The following HMCN2 variants were observed in gnomAD, a reference collection of about 807,000 sequenced individuals.
HMCN2 encodes the protein hemicentin 2.
HMCN2 carries 325 observed loss-of-function variants against 377.5 expected under a neutral mutation model. The observed-to-expected ratio is 0.86, with a 90% CI of 0.79 to 0.94. The LOEUF is 0.94. Among genes scored for constraint, HMCN2 ranks in the 40% least tolerant of loss-of-function variants. HMCN2 has a pLI of 0.00. For synonymous variants in HMCN2, 2,007 were observed against 2,046.8 expected, an observed-to-expected ratio of 0.98 and a Z score of 0.53; for missense variants, 4,543 against 4,725.3, an observed-to-expected ratio of 0.96 and a Z score of 1.13.
At chr9:130,305,118 C>G in intron 11 of HMCN2, 116 bp downstream of exon 11, 4 of 378,722 alleles carry the variant, frequency 1.1e-5, no homozygotes, top group South Asian at 3.9e-5. Flanking sequence ...GCAATAGCAG[C>G]CTTTTCAGTG....
In HMCN2 at chr9:130,394,992, G is replaced by T; in HGVS notation, c.10693-35G>T. The T allele has an allele frequency of 8.1e-7, 1 of 1,242,216 alleles. No homozygotes were observed. Among genetic ancestry groups the T allele is most frequent in the Non-Finnish European group, 1.0e-6 (1 of 952,640 alleles). 76.9% of individuals were successfully genotyped at this position (1,242,216 alleles called of 1,614,324 possible). A position where few individuals can be genotyped will look rare whatever the true frequency, so the allele number is the denominator to read the frequency against. On this transcript the variant is annotated intron_variant, in intron 69 of 97. Transcript: ENST00000683500. This position sits in a 1 kb window ranked among gnomAD's most constrained non-coding sequence, Gnocchi z 5.1. ...CAGATTGGGAGGCGGGCAGAGAGGG[G>T]CCAGGGGCAGCTGCTCAACCCGCTC... is the stretch of plus-strand genomic sequence containing the variant.
intron 84 of HMCN2, among the ~76,000 whole-genome samples, chr9:130,410,294 A>T (rs1843341409): frequency 6.6e-6 from 1 of 152,234 alleles, no homozygotes; most frequent in Non-Finnish European, 1.5e-5. Context: ...GTGGATCTAC[A>T]CCATGCTTTT....
intron 11 of HMCN2, among the ~76,000 whole-genome samples, chr9:130,305,645 G>T (rs1029181576): frequency 1.3e-5 from 2 of 152,214 alleles, no homozygotes; most frequent in Non-Finnish European, 2.9e-5. Context: ...GTGTGGGAGG[G>T]CTGTGGTTGC....
chr9:130,318,965 A>G (rs908855765), intron 15 of HMCN2, among the ~76,000 whole-genome samples: 16,662 of 152,234 alleles, frequency 0.11, 1,387 homozygotes, highest in East Asian at 0.48. Flanking sequence ...GAGTCCCGCC[A>G]GGCCCCCCAG....
chr9:130,348,669 G>A lies in HMCN2; in HGVS notation c.4149G>A (p.Ala1383=), dbSNP rs200403870. The A allele has an allele frequency of 1.9e-3, 2,329 of 1,225,108 alleles. 8 individuals are homozygous for A. Among genetic ancestry groups the A allele is most frequent in the Non-Finnish European group, 2.3e-3 (2,105 of 918,800 alleles). 75.9% of individuals were successfully genotyped at this position (1,225,108 alleles called of 1,614,324 possible). A position where few individuals can be genotyped will look rare whatever the true frequency, so the allele number is the denominator to read the frequency against. ...CTGAGATCGTGTGGCTGAAGGACGCGCAGCTGGTGGGTGTCCCCCTAGGGT... is the reference window on the plus strand; with the variant it reads ...CTGAGATCGTGTGGCTGAAGGACGCACAGCTGGTGGGTGTCCCCCTAGGGT... ...PVPEIVWLKD[A]QLIPKVGGHR... is the part of the protein sequence containing the mutation. Residue 1383 remains alanine, a synonymous_variant, in exon 27 of 98, where the codon GCG becomes GCA. Transcript: ENST00000683500.
chr9:130,327,076 AGGT>A (rs1838174284), intron 21 of HMCN2, among the ~76,000 whole-genome samples: 3 of 142,544 alleles, frequency 2.1e-5, no homozygotes, highest in African/African-American at 7.6e-5. Context: ...CCTCAGAGCA[AGGT>A]GGTGGTGGGG....
In HMCN2 at chr9:130,414,433, A is replaced by G. The variant is rs772043415; in HGVS notation, c.12961+3781A>G. Among the ~76,000 whole-genome samples, 19 of 152,138 alleles carry G rather than the reference A, an allele frequency of 1.2e-4. No individual in the cohort carries two copies. The highest frequency in any genetic ancestry group is 2.5e-4 in the Non-Finnish European group (17 of 68,016). Reference sequence around the variant, plus strand: ...GGCACCACTTTTTCTTGGCAGTTTTATAGCTCTGCCAAAAACGGAAGATTT... The same window carrying G: ...GGCACCACTTTTTCTTGGCAGTTTTGTAGCTCTGCCAAAAACGGAAGATTT... On this transcript the variant is annotated intron_variant, in intron 85 of 97. Coordinates refer to ENST00000683500, the MANE Select transcript of HMCN2 (RefSeq NM_001291815.2). This position sits in a 1 kb window ranked among gnomAD's most constrained non-coding sequence, Gnocchi z 4.4.
At chr9:130,410,874 T>C (rs1056534998) in intron 85 of HMCN2, among the ~76,000 whole-genome samples, 18 of 152,110 alleles carry the variant, frequency 1.2e-4, no homozygotes, top group African/African-American at 4.3e-4. Flanking sequence ...CTGGGGGAGC[T>C]GGGCATTTAA....
intron 1 of HMCN2, among the ~76,000 whole-genome samples, chr9:130,267,868 A>T (rs561259818): frequency 1.3e-5 from 2 of 152,338 alleles, no homozygotes; most frequent in Admixed American, 1.3e-4. Context: ...CTGGCACTTA[A>T]GCTGGAACAC....
At chr9:130,426,057 C>T (rs187543454) in intron 90 of HMCN2, 133 bp downstream of exon 90, 54 of 714,634 alleles carry the variant, frequency 7.6e-5, no homozygotes, top group African/African-American at 5.3e-4. Flanking sequence ...CAGACTGAGA[C>T]GGCCCGGCTG....
intron 8 of HMCN2, among the ~76,000 whole-genome samples, chr9:130,300,012 T>TACCCATTCATGCATCCATCCACTC (rs1836412879): frequency 7.3e-6 from 1 of 137,466 alleles, no homozygotes; most frequent in South Asian, 2.4e-4. Context: ...TCCATCCACT[T>TACCCATTCATGCATCCATCCACTC]ACCCATTCAT....
chr9:130,332,479 T>C (rs1374198399), intron 22 of HMCN2, among the ~76,000 whole-genome samples: 1 of 152,162 alleles, frequency 6.6e-6, no homozygotes, highest in Non-Finnish European at 1.5e-5. Flanking sequence ...AGAGCGTGTT[T>C]GGCGGCACAG....
intron 61 of HMCN2, 64 bp downstream of exon 61, chr9:130,386,588 A>G: frequency 9.1e-7 from 1 of 1,103,848 alleles, no homozygotes; most frequent in Admixed American, 2.5e-5. Context: ...AGGGCTGCCA[A>G]GGAGGACAAA....
chr9:130,342,291 T>G (rs1588271453), intron 24 of HMCN2, 59 bp from the exon 25 acceptor site: 2 of 152,070 alleles, frequency 1.3e-5, no homozygotes, highest in African/African-American at 4.8e-5. Context: ...GAGGCAGGGG[T>G]TGAGGGGTGC....
chr9:130,389,068 G>A (rs1842164310), intron 62 of HMCN2, among the ~76,000 whole-genome samples: 1 of 152,200 alleles, frequency 6.6e-6, no homozygotes, highest in Admixed American at 6.5e-5. Context: ...TCCACGTGGG[G>A]CAGAAAGGTC....
At chr9:130,329,985 A>ATCCTCT (rs1304266401) in intron 22 of HMCN2, among the ~76,000 whole-genome samples, 1 of 98,722 alleles carries the variant, frequency 1.0e-5, no homozygotes, top group Non-Finnish European at 2.0e-5. Flanking sequence ...CCTTCCCTAC[A>ATCCTCT]TCCTCTTCCT....
chr9:130,300,750 C>T (rs782558906), intron 8 of HMCN2, among the ~76,000 whole-genome samples: 7 of 152,202 alleles, frequency 4.6e-5, no homozygotes, highest in South Asian at 2.1e-4. Flanking sequence ...TGTTGGTTCC[C>T]GTATGTGTGG....
At chr9:130,298,248 C>T (rs1471327865) in intron 7 of HMCN2, among the ~76,000 whole-genome samples, 1 of 152,104 alleles carries the variant, frequency 6.6e-6, no homozygotes, top group East Asian at 1.9e-4. Context: ...GCCACCATGC[C>T]AGGCCAAGAT....
chr9:130,427,194 C>G (rs1844428868), intron 90 of HMCN2, 119 bp from the exon 91 acceptor site: 4 of 1,051,332 alleles, frequency 3.8e-6, no homozygotes, highest in Non-Finnish European at 5.6e-6. Flanking sequence ...TCTCTGGCAC[C>G]GTCTTGGCTC....
Sources: allele counts gnomAD v4.1 joint callset (sites outside exome capture counted in the v4.1 genomes callset), GRCh38; gene constraint gnomAD v4.1.1; non-coding constraint Gnocchi (gnomAD v3.1); transcripts MANE v1.5; gene names NCBI Gene and HGNC (gene_info 2026-07-23, HGNC 2026-07-21).